Variants in NF1 observed in about 807,000 individuals in gnomAD.
NF1 encodes neurofibromin.
Under a neutral mutation model 325.7 loss-of-function variants are expected in NF1, and 122 were observed. The ratio of observed to expected loss-of-function variants is 0.37; its 90% CI spans 0.32 to 0.44. The LOEUF (loss-of-function observed/expected upper bound fraction) is 0.44, where lower values mean the gene tolerates loss of function less well. Ranked by LOEUF, NF1 falls within the 20% of genes least tolerant of loss-of-function variation. The pLI is 1.00. For synonymous variants in NF1, 1,091 were observed against 1,186.0 expected, an observed-to-expected ratio of 0.92 and a Z score of 1.65; for missense variants, 2,140 against 3,415.4, an observed-to-expected ratio of 0.63 and a Z score of 9.31.
At position 31,333,005 on chromosome 17, in the gene NF1, G is replaced by A. The variant is rs188048488; in HGVS notation, c.5813-1833G>A. Among the ~76,000 whole-genome samples the A allele has an allele frequency of 2.2e-3, 328 of 152,258 alleles. 3 individuals are homozygous for A. Among genetic ancestry groups the A allele is most frequent in the Non-Finnish European group, 3.6e-3 (246 of 68,026 alleles). On this transcript the variant is annotated intron_variant, in intron 39 of 57. Coordinates refer to ENST00000358273, the MANE Select transcript of NF1 (RefSeq NM_001042492.3). ...GCCTGTAATCCCACCTGCTCAGGAGGATCGCTAAGCCCAGGAGTTTGAGAC... is the reference window on the plus strand; with the variant it reads ...GCCTGTAATCCCACCTGCTCAGGAGAATCGCTAAGCCCAGGAGTTTGAGAC...
chr17:31,306,706 A>G (rs2068730840), intron 36 of NF1, among the ~76,000 whole-genome samples: 1 of 152,286 alleles, frequency 6.6e-6, no homozygotes, highest in African/African-American at 2.4e-5. Flanking sequence ...AGTAAATTCA[A>G]TCCAGTTGGT....
At chr17:31,341,069 C>T (rs1006040628) in intron 47 of NF1, among the ~76,000 whole-genome samples, 25 of 151,982 alleles carry the variant, frequency 1.6e-4, no homozygotes, top group African/African-American at 5.6e-4. Context: ...CCATTTCACA[C>T]GTGAAGAAAT....
chr17:31,359,518 GGCGCA>G, intron 56 of NF1: 1 of 171,194 alleles, frequency 5.8e-6, no homozygotes, highest in Non-Finnish European at 1.2e-5. Flanking sequence ...GGAGTGCAGT[GGCGCA>G]ATCTTGGCTC....
intron 1 of NF1, among the ~76,000 whole-genome samples, chr17:31,101,887 G>A (rs1023105457): frequency 6.6e-6 from 1 of 152,094 alleles, no homozygotes; most frequent in Non-Finnish European, 1.5e-5. Context: ...TTATCAAATG[G>A]AGTGCATACT....
chr17:31,235,058 G>T (rs1250604180), intron 27 of NF1, among the ~76,000 whole-genome samples: 6 of 152,088 alleles, frequency 3.9e-5, no homozygotes. Context: ...CCCTAGCTTT[G>T]TATGTAAATC....
At chr17:31,346,129 C>A in intron 48 of NF1, 6 of 1,611,404 alleles carry the variant, frequency 3.7e-6, no homozygotes, top group Non-Finnish European at 5.1e-6. Context: ...AAAATCTGGC[C>A]CTACGTTTAC....
chr17:31,350,457 C>A, intron 50 of NF1, 139 bp downstream of exon 50: 3 of 698,048 alleles, frequency 4.3e-6, no homozygotes, highest in African/African-American at 1.8e-5. Flanking sequence ...AAGTGAAACT[C>A]ATTTTATAAA....
At chr17:31,338,676 A>G in intron 45 of NF1, 28 bp from the exon 46 acceptor site, 2 of 1,420,650 alleles carry the variant, frequency 1.4e-6, no homozygotes, top group Non-Finnish European at 2.0e-6. Flanking sequence ...CAATGAAAGT[A>G]AAATAAAAAA....
chr17:31,117,891 C>G (rs1413190502), intron 1 of NF1, among the ~76,000 whole-genome samples: 2 of 151,922 alleles, frequency 1.3e-5, no homozygotes, highest in Admixed American at 6.6e-5. Context: ...TTTAGGTATT[C>G]TTTGGCATTT....
chr17:31,180,035 C>A (rs1027423039), intron 5 of NF1, among the ~76,000 whole-genome samples: 2 of 152,102 alleles, frequency 1.3e-5, no homozygotes, highest in African/African-American at 4.8e-5. Flanking sequence ...ATACACCCTC[C>A]CAAGACTAAA....
At chr17:31,284,432 GT>G (rs1324907614) in intron 36 of NF1, among the ~76,000 whole-genome samples, 7 of 152,062 alleles carry the variant, frequency 4.6e-5, no homozygotes, top group Non-Finnish European at 1.0e-4. Flanking sequence ...AAACAGTCAT[GT>G]GCTACCATGC....
chr17:31,137,843 T>C (rs1020746008), intron 1 of NF1: 1 of 152,118 alleles, frequency 6.6e-6, no homozygotes. Context: ...TATGAAATAA[T>C]TTTTTTTCTC....
intron 1 of NF1, chr17:31,137,281 A>G (rs537629578): frequency 4.6e-5 from 7 of 152,244 alleles, no homozygotes; most frequent in South Asian, 2.1e-4. Context: ...CTGTATTTCT[A>G]TTAGTTTTCT....
At chr17:31,272,479 A>T (rs1020826061) in intron 36 of NF1, 3 of 151,780 alleles carry the variant, frequency 2.0e-5, no homozygotes, top group Non-Finnish European at 4.4e-5. Context: ...CAGTATTCAT[A>T]TTCATAGTTG....
chr17:31,200,295 C>T, intron 8 of NF1, 127 bp from the exon 9 acceptor site: 1 of 792,176 alleles, frequency 1.3e-6, no homozygotes, highest in South Asian at 1.8e-5. Flanking sequence ...AATTGAAAAC[C>T]ACAAATATAA....
intron 1 of NF1, among the ~76,000 whole-genome samples, chr17:31,146,032 G>A (rs1161878106): frequency 1.3e-5 from 2 of 152,194 alleles, no homozygotes; most frequent in Non-Finnish European, 2.9e-5. Context: ...TTCTATTGCT[G>A]TGTAACAAAC....
intron 5 of NF1, among the ~76,000 whole-genome samples, chr17:31,180,513 G>C (rs2066109016): frequency 6.6e-6 from 1 of 152,172 alleles, no homozygotes; most frequent in African/African-American, 2.4e-5. Context: ...TATCTCAATA[G>C]ATACAGAAAA....
rs2066982932 is a variant in NF1, at chr17:31,224,715, C to T, written c.1846-380C>T. On this transcript the variant is annotated intron_variant, in intron 16 of 57. Coordinates refer to ENST00000358273, the MANE Select transcript of NF1 (RefSeq NM_001042492.3). Reference sequence around the variant, plus strand: ...TCCAGAAGAACTTAATCTCAAGAGCCAATTTCTGGTTATCCCAACATGGCA... The same window carrying T: ...TCCAGAAGAACTTAATCTCAAGAGCTAATTTCTGGTTATCCCAACATGGCA... 3.3e-5 allele frequency among the ~76,000 whole-genome samples: 5 copies of T among 152,054 alleles called. No homozygotes were observed. In the South Asian group the frequency reaches 1.0e-3, roughly 32 times the overall value.
chr17:31,149,374 C>T (rs556292883), intron 1 of NF1, among the ~76,000 whole-genome samples: 3 of 152,100 alleles, frequency 2.0e-5, no homozygotes, highest in Non-Finnish European at 4.4e-5. Flanking sequence ...GCTTAGCTCA[C>T]TGCAGCCTCT....
Sources: gnomAD v4.1 joint callset for allele counts (sites outside exome capture counted in the v4.1 genomes callset) on GRCh38, gnomAD v4.1.1 for gene constraint, MANE v1.5 for transcripts, NCBI Gene and HGNC (gene_info 2026-07-23, HGNC 2026-07-21) for gene names.